The following ITGB8 variants were observed in gnomAD, a reference collection of about 807,000 sequenced individuals.
ITGB8 encodes integrin beta-8.
ITGB8 carries 30 observed loss-of-function variants against 89.5 expected under a neutral mutation model. That is an observed-to-expected ratio of 0.34 (90% CI 0.25 to 0.45). The LOEUF (loss-of-function observed/expected upper bound fraction) is 0.45. ITGB8 is among the 20% of genes least tolerant of loss of function. The pLI is 1.00. For synonymous variants in ITGB8, 335 were observed against 320.4 expected, an observed-to-expected ratio of 1.05 and a Z score of -0.49; for missense variants, 836 against 933.3, an observed-to-expected ratio of 0.90 and a Z score of 1.36.
rs1490612906 is a variant in ITGB8, at chr7:20,412,475, AT to A, written c.*2481del. 6.6e-6 allele frequency: 1 copy of A among 152,626 alleles called. No homozygotes were observed. The highest frequency in any genetic ancestry group is 6.5e-5 in the Admixed American group (1 of 15,286). 9.5% of individuals were successfully genotyped at this position (152,626 alleles called of 1,614,324 possible). A position where few individuals can be genotyped will look rare whatever the true frequency, so the allele number is the denominator to read the frequency against. ...TATGATATTTATGAACAATAAACAA[AT>A]TTCCGTATGGAATGAATTATCCAAA... On this transcript the variant is annotated 3_prime_UTR_variant, in exon 14 of 14. Coordinates refer to ENST00000222573, the MANE Select transcript of ITGB8 (RefSeq NM_002214.3).
Position 20,415,427 on chromosome 7 carries a change from A to C in ITGB8, c.*5430A>C, listed in dbSNP as rs1787896739. The C allele has an allele frequency of 6.6e-6, 1 of 152,380 alleles. No homozygotes were observed. Among genetic ancestry groups the C allele is most frequent in the South Asian group, 2.1e-4 (1 of 4,838 alleles). The allele number at this position is 152,380 out of a possible 1,614,324, so 9.4% of individuals were successfully genotyped here. A position where few individuals can be genotyped will look rare whatever the true frequency, so the allele number is the denominator to read the frequency against. On this transcript the variant is annotated 3_prime_UTR_variant, in exon 14 of 14. Coordinates refer to ENST00000222573, the MANE Select transcript of ITGB8 (RefSeq NM_002214.3). ...GAATATAAAATAGCTCTAAGAAAGA[A>C]GCAAATTATCACTGAACATATTTCT...
intron 6 of ITGB8, among the ~76,000 whole-genome samples, chr7:20,385,867 A>C (rs779705501): frequency 6.6e-6 from 1 of 152,188 alleles, no homozygotes; most frequent in Non-Finnish European, 1.5e-5. Flanking sequence ...TATTTCTGAC[A>C]TTTTCAAAGT....
chr7:20,331,543 T>C lies in ITGB8; in HGVS notation c.-264T>C. The C allele has an allele frequency of 2.2e-6, 1 of 446,674 alleles. No individual in the cohort carries two copies. The highest frequency in any genetic ancestry group is 3.9e-6 in the Non-Finnish European group (1 of 258,192). The allele number at this position is 446,674 out of a possible 1,614,324, so 27.7% of individuals were successfully genotyped here. A position where few individuals can be genotyped will look rare whatever the true frequency, so the allele number is the denominator to read the frequency against. Reference sequence around the variant, plus strand: ...CTCTCTCCAGTCGCCGCCGGGGCCCTTGGCCGTCGAAGGAGGTGCTTCTCG... The same window carrying C: ...CTCTCTCCAGTCGCCGCCGGGGCCCCTGGCCGTCGAAGGAGGTGCTTCTCG... On this transcript the variant is annotated 5_prime_UTR_variant, in exon 1 of 14. Coordinates refer to ENST00000222573, the MANE Select transcript of ITGB8 (RefSeq NM_002214.3).
At chr7:20,383,784 TTGGATGA>T (rs554843829) in intron 6 of ITGB8, among the ~76,000 whole-genome samples, 98 of 152,320 alleles carry the variant, frequency 6.4e-4, no homozygotes, top group African/African-American at 2.2e-3. Context: ...CATCAGGAAA[TTGGATGA>T]TTACATCAAG....
intron 7 of ITGB8, 30 bp downstream of exon 7, chr7:20,391,528 A>G (rs1786855801): frequency 8.2e-7 from 1 of 1,212,714 alleles, no homozygotes; most frequent in African/African-American, 1.6e-5. Flanking sequence ...GTTAAAATTA[A>G]ATTTTTTTCA....
chr7:20,337,456 C>T (rs372217342), intron 1 of ITGB8, among the ~76,000 whole-genome samples: 2 of 151,646 alleles, frequency 1.3e-5, no homozygotes, highest in Non-Finnish European at 2.9e-5. Context: ...AAAATAACAA[C>T]GATTAAGTTT....
intron 12 of ITGB8, among the ~76,000 whole-genome samples, chr7:20,407,601 A>C (rs983943540): frequency 6.6e-6 from 1 of 152,048 alleles, no homozygotes; most frequent in Non-Finnish European, 1.5e-5. Flanking sequence ...TCACATCCAC[A>C]CTGATCTTAC....
At chr7:20,340,719 T>C (rs1224762057) in intron 1 of ITGB8, among the ~76,000 whole-genome samples, 2 of 152,162 alleles carry the variant, frequency 1.3e-5, no homozygotes, top group Non-Finnish European at 2.9e-5. Context: ...ACCATATATT[T>C]AGGATTATTT....
chr7:20,350,733 T>G (rs1479557645), intron 1 of ITGB8, among the ~76,000 whole-genome samples: 2 of 152,342 alleles, frequency 1.3e-5, no homozygotes, highest in East Asian at 3.9e-4. Flanking sequence ...ACAAGTTGCC[T>G]TCTCCCCTGT....
chr7:20,399,070 A>G, intron 9 of ITGB8, 76 bp downstream of exon 9: 2 of 1,474,604 alleles, frequency 1.4e-6, no homozygotes, highest in Non-Finnish European at 1.8e-6. Flanking sequence ...AAAGCAAACC[A>G]TTCTGAAAAA....
intron 1 of ITGB8, among the ~76,000 whole-genome samples, chr7:20,339,710 G>A (rs1784690428): frequency 6.6e-6 from 1 of 152,126 alleles, no homozygotes; most frequent in Non-Finnish European, 1.5e-5. Context: ...CTTCTATTTT[G>A]AGTGCTATTA....
At position 20,347,343 on chromosome 7, in the gene ITGB8, G is replaced by T. The variant is rs149756087; in HGVS notation, c.127+15410G>T. On this transcript the variant is annotated intron_variant, in intron 1 of 13. Transcript: ENST00000222573. ...TAATGTGATCACTGTATCAGCAAAA[G>T]AAACTGGCAACAATGTATGTGGTGA... Among the ~76,000 whole-genome samples the T allele has an allele frequency of 1.2e-4, 19 of 152,294 alleles. No individual in the cohort carries two copies. In the East Asian group the frequency reaches 2.7e-3, roughly 22 times the overall value.
rs1483822462 is a variant in ITGB8 at position 20,410,216 on chromosome 7, A to G, written c.*219A>G. ...ATGTGTCTTACTACTGTTTGAGACT[A>G]GTGTCGTTGTAGCACTTTACTGTAA... On this transcript the variant is annotated 3_prime_UTR_variant, in exon 14 of 14. Transcript: ENST00000222573. 1 of 524,076 alleles carries G rather than the reference A, an allele frequency of 1.9e-6. No homozygotes were observed. The highest frequency in any genetic ancestry group is 3.4e-6 in the Non-Finnish European group (1 of 293,744). 32.5% of individuals were successfully genotyped at this position (524,076 alleles called of 1,614,324 possible). A position where few individuals can be genotyped will look rare whatever the true frequency, so the allele number is the denominator to read the frequency against.
At chr7:20,344,710 G>A (rs975429454) in intron 1 of ITGB8, among the ~76,000 whole-genome samples, 1 of 152,184 alleles carries the variant, frequency 6.6e-6, no homozygotes, top group Admixed American at 6.5e-5. Context: ...ACCCTGAGCT[G>A]AGTTCGAGAG....
At chr7:20,353,931 CA>C (rs1158594685) in intron 1 of ITGB8, among the ~76,000 whole-genome samples, 212 of 55,676 alleles carry the variant, frequency 3.8e-3, no homozygotes, top group Non-Finnish European at 4.7e-3. Flanking sequence ...GACTCCGTCT[CA>C]AAAAAAAAAA....
At position 20,351,705 on chromosome 7, in the gene ITGB8, C is replaced by T. The variant is rs911232113; in HGVS notation, c.128-11932C>T. 9.9e-5 allele frequency among the ~76,000 whole-genome samples: 15 copies of T among 152,186 alleles called. 1 individual carries two copies. The highest frequency in any genetic ancestry group is 7.4e-5 in the Non-Finnish European group (5 of 68,022). On this transcript the variant is annotated intron_variant, in intron 1 of 13. Coordinates refer to ENST00000222573, the MANE Select transcript of ITGB8 (RefSeq NM_002214.3). Reference sequence around the variant, plus strand: ...TTAATTTACCGGTGTTTGTTTTTTACTTAGCACTAAATCTCTTACAATATA... The same window carrying T: ...TTAATTTACCGGTGTTTGTTTTTTATTTAGCACTAAATCTCTTACAATATA...
chr7:20,372,174 T>G (rs1008096000), intron 3 of ITGB8, among the ~76,000 whole-genome samples: 2 of 152,238 alleles, frequency 1.3e-5, no homozygotes, highest in African/African-American at 4.8e-5. Flanking sequence ...TTTAAATATA[T>G]AAGTTTGAAA....
At chr7:20,403,460 C>A (rs983022959) in intron 10 of ITGB8, among the ~76,000 whole-genome samples, 8 of 152,168 alleles carry the variant, frequency 5.3e-5, no homozygotes, top group African/African-American at 1.9e-4. Context: ...TGAGAATCTG[C>A]TTTGAATTGT....
At chr7:20,394,111 C>G (rs1325209927) in intron 7 of ITGB8, among the ~76,000 whole-genome samples, 1 of 152,040 alleles carries the variant, frequency 6.6e-6, no homozygotes, top group Non-Finnish European at 1.5e-5. Context: ...CTTGAGATGC[C>G]AAGTTGTTAG....
Sources: gnomAD v4.1 joint callset for allele counts (sites outside exome capture counted in the v4.1 genomes callset) on GRCh38, gnomAD v4.1.1 for gene constraint, MANE v1.5 for transcripts, NCBI Gene and HGNC (gene_info 2026-07-23, HGNC 2026-07-21) for gene names.